TUT4: variants seen among roughly 807,000 people sequenced by gnomAD.
The protein encoded by TUT4 is terminal uridylyl transferase 4.
TUT4 carries 36 observed loss-of-function variants against 192.2 expected under a neutral mutation model. The observed-to-expected ratio is 0.19, with a 90% CI of 0.14 to 0.25. The LOEUF is 0.25. TUT4 is among the 10% of genes least tolerant of loss of function. TUT4 has a pLI of 1.00. For missense variants in TUT4, 1,493 were observed against 1,957.2 expected, an observed-to-expected ratio of 0.76 and a Z score of 4.47; for synonymous variants, 618 against 666.0, an observed-to-expected ratio of 0.93 and a Z score of 1.11.
intron 4 of TUT4, among the ~76,000 whole-genome samples, chr1:52,498,886 CA>C (rs758075526): frequency 0.059 from 2,562 of 43,202 alleles, 120 homozygotes; most frequent in East Asian, 0.1. Context: ...GACTCCATTA[CA>C]AAAAAAAAAA....
At chr1:52,502,950 C>A (rs1049435528) in intron 4 of TUT4, among the ~76,000 whole-genome samples, 1 of 152,112 alleles carries the variant, frequency 6.6e-6, no homozygotes, top group African/African-American at 2.4e-5. Flanking sequence ...TTCGCCTCTA[C>A]ACTAACAGCA....
chr1:52,551,699 TAC>T (rs142834898), intron 1 of TUT4, among the ~76,000 whole-genome samples: 7 of 143,858 alleles, frequency 4.9e-5, no homozygotes, highest in African/African-American at 1.5e-4. Flanking sequence ...CACACACACA[TAC>T]ACACACACAC....
chr1:52,508,068 C>T (rs1314013265), intron 4 of TUT4, among the ~76,000 whole-genome samples: 1 of 152,122 alleles, frequency 6.6e-6, no homozygotes, highest in African/African-American at 2.4e-5. Context: ...CTGCCTCAGC[C>T]TCCCAAAGTG....
chr1:52,446,140 AC>A, intron 22 of TUT4, 124 bp downstream of exon 22: 1 of 1,296,266 alleles, frequency 7.7e-7, no homozygotes, highest in South Asian at 1.4e-5. Flanking sequence ...CTAAAATTAC[AC>A]ATTAAAGGAG....
At chr1:52,535,649 A>T (rs955025357) in intron 1 of TUT4, among the ~76,000 whole-genome samples, 1 of 152,214 alleles carries the variant, frequency 6.6e-6, no homozygotes, top group Non-Finnish European at 1.5e-5. Context: ...AAACTTCCCC[A>T]ATCTGATGAA....
chr1:52,553,265 C>A (rs1689950801), upstream of TUT4, among the ~76,000 whole-genome samples: 1 of 147,512 alleles, frequency 6.8e-6, no homozygotes, highest in African/African-American at 2.5e-5. Flanking sequence ...AGGAGCTACG[C>A]GCAGAGGGAA....
At chr1:52,526,860 A>G (rs1056374759) in intron 1 of TUT4, among the ~76,000 whole-genome samples, 2 of 152,024 alleles carry the variant, frequency 1.3e-5, no homozygotes, top group Non-Finnish European at 2.9e-5. Flanking sequence ...TCCCACCTCT[A>G]CTAAAAATAC....
At chr1:52,482,793 T>C (rs143753418) in intron 9 of TUT4, among the ~76,000 whole-genome samples, 32 of 152,258 alleles carry the variant, frequency 2.1e-4, no homozygotes, top group Non-Finnish European at 4.3e-4. Context: ...TACGTAACAG[T>C]TCCCCCATTC....
intron 1 of TUT4, among the ~76,000 whole-genome samples, chr1:52,546,439 C>T (rs898922935): frequency 5.3e-5 from 8 of 151,996 alleles, no homozygotes; most frequent in Non-Finnish European, 1.5e-5. Context: ...AAATAAGCCA[C>T]AAGACAAATA....
Position 52,540,242 on chromosome 1 carries a change from C to T in TUT4, c.-94+12689G>A, listed in dbSNP as rs1217079300. On this transcript the variant is annotated intron_variant, in intron 1 of 29. Transcript: ENST00000257177. ...TCAAAAAAAAAAAAAAATGGCCGGA[C>T]GCGGTGGCTCATGCCTGTAATCCCA... Among the ~76,000 whole-genome samples, 30 of 113,528 alleles carry T rather than the reference C, an allele frequency of 2.6e-4. No individual in the cohort carries two copies. In the Admixed American group the frequency reaches 2.8e-3, roughly 11 times the overall value. 74.5% of individuals were successfully genotyped at this position (113,528 alleles called of 152,430 possible). A position where few individuals can be genotyped will look rare whatever the true frequency, so the allele number is the denominator to read the frequency against.
intron 28 of TUT4, 114 bp from the exon 29 acceptor site, chr1:52,425,621 A>T: frequency 8.7e-6 from 11 of 1,266,142 alleles, no homozygotes; most frequent in Non-Finnish European, 1.1e-5. Context: ...GAACTATGCT[A>T]AATTCAGAGA....
chr1:52,437,037 A>G (rs750211663), intron 25 of TUT4, 59 bp from the exon 26 acceptor site: 12 of 1,572,826 alleles, frequency 7.6e-6, no homozygotes, highest in Non-Finnish European at 9.5e-6. Context: ...AGAACAAACT[A>G]TGCAGGACTC....
intron 27 of TUT4, chr1:52,434,475 T>TA (rs1328768496): frequency 6.6e-6 from 1 of 152,186 alleles, no homozygotes; most frequent in Non-Finnish European, 1.5e-5. Flanking sequence ...GAGTCATTAT[T>TA]AATTAAGAAG....
chr1:52,552,401 A>AATCCAC (rs1467643174), intron 1 of TUT4, among the ~76,000 whole-genome samples: 6 of 152,106 alleles, frequency 3.9e-5, no homozygotes, highest in Admixed American at 1.3e-4. Flanking sequence ...CAAGAAACAA[A>AATCCAC]ATCCACACAG....
At chr1:52,526,488 TA>T (rs11309315) in intron 1 of TUT4, 115 bp from the exon 2 acceptor site, 73,851 of 228,186 alleles carry the variant, frequency 0.32, 11,045 homozygotes, top group African/African-American at 0.67. Context: ...AAGAAATTGT[TA>T]AAAAAAAAAA....
At chr1:52,498,165 T>C (rs116514067) in intron 4 of TUT4, among the ~76,000 whole-genome samples, 1,818 of 152,150 alleles carry the variant, frequency 0.012, 48 homozygotes, top group African/African-American at 0.042. Flanking sequence ...TTTTTCTAAG[T>C]CTCTGTGATC....
Position 52,427,802 on chromosome 1 carries a change from A to G in TUT4, c.4712-2295T>C, listed in dbSNP as rs182469920. On this transcript the variant is annotated intron_variant, in intron 28 of 29. Transcript: ENST00000257177. ...TGATGAATTTGATAATGGGTAAAAC[A>G]GGCTGATAAAACCTAACTCACAGAT... 5.3e-5 allele frequency among the ~76,000 whole-genome samples: 8 copies of G among 152,368 alleles called. No individual in the cohort carries two copies. In the East Asian group the frequency reaches 1.5e-3, roughly 29 times the overall value.
At chr1:52,427,032 T>C (rs1293005066) in intron 28 of TUT4, among the ~76,000 whole-genome samples, 1 of 152,162 alleles carries the variant, frequency 6.6e-6, no homozygotes, top group Non-Finnish European at 1.5e-5. Flanking sequence ...GTATAGCTTA[T>C]TAGATAATAA....
chr1:52,498,402 C>T (rs1673031337), intron 4 of TUT4, among the ~76,000 whole-genome samples: 1 of 151,942 alleles, frequency 6.6e-6, no homozygotes, highest in South Asian at 2.1e-4. Flanking sequence ...CGCCACCTCG[C>T]CTGGCTAATT....
Sources: allele counts gnomAD v4.1 joint callset (sites outside exome capture counted in the v4.1 genomes callset), GRCh38; gene constraint gnomAD v4.1.1; transcripts MANE v1.5; gene names NCBI Gene and HGNC (gene_info 2026-07-23, HGNC 2026-07-21).